CHL1: variants seen among roughly 807,000 people sequenced by gnomAD.
The protein encoded by CHL1 is neural cell adhesion molecule L1-like protein.
CHL1 carries 96 observed loss-of-function variants against 141.9 expected under a neutral mutation model. That is an observed-to-expected ratio of 0.68 (90% CI 0.57 to 0.80). The LOEUF (loss-of-function observed/expected upper bound fraction) is 0.80, where lower values mean the gene tolerates loss of function less well. Among genes scored for constraint, CHL1 ranks in the 30% least tolerant of loss-of-function variants. CHL1 has a pLI of 0.00. For synonymous variants in CHL1, 613 were observed against 502.2 expected (o/e 1.22, Z -2.95); for missense variants, 1,820 against 1,457.2 (o/e 1.25, Z -4.05).
At chr3:396,713 A>G (rs1708702891) in intron 24 of CHL1, among the ~76,000 whole-genome samples, 1 of 152,146 alleles carries the variant, frequency 6.6e-6, no homozygotes, top group South Asian at 2.1e-4. Flanking sequence ...GCTCTTTTTC[A>G]GGAATCCACA....
At chr3:310,302 A>T (rs1433355271) in intron 2 of CHL1, among the ~76,000 whole-genome samples, 1 of 151,956 alleles carries the variant, frequency 6.6e-6, no homozygotes, top group South Asian at 2.1e-4. Context: ...GTGGTGGCGG[A>T]TGCCTATAGT....
At chr3:357,591 T>C (rs1006003684) in intron 11 of CHL1, among the ~76,000 whole-genome samples, 4 of 152,188 alleles carry the variant, frequency 2.6e-5, no homozygotes, top group African/African-American at 9.6e-5. Context: ...TTTTATTGCA[T>C]GATTTCTCAC....
chr3:323,310 C>T (rs528517566), intron 3 of CHL1, among the ~76,000 whole-genome samples: 11 of 152,006 alleles, frequency 7.2e-5, no homozygotes, highest in South Asian at 2.1e-4. Flanking sequence ...GAGAGCTTCC[C>T]GATACTTAAT....
chr3:296,783 G>A (rs991445096), intron 2 of CHL1, among the ~76,000 whole-genome samples: 1 of 152,166 alleles, frequency 6.6e-6, no homozygotes, highest in African/African-American at 2.4e-5. Context: ...CTGTAAGGGG[G>A]AAAATATAGA....
intron 2 of CHL1, among the ~76,000 whole-genome samples, chr3:255,226 G>T (rs913708905): frequency 3.3e-5 from 5 of 152,206 alleles, no homozygotes; most frequent in African/African-American, 1.2e-4. Flanking sequence ...AGTTAGAGTT[G>T]TTATGCAGTT....
intron 2 of CHL1, among the ~76,000 whole-genome samples, chr3:271,411 C>A (rs1385940177): frequency 1.3e-5 from 2 of 152,088 alleles, no homozygotes; most frequent in Non-Finnish European, 2.9e-5. Context: ...TGCACTCCAG[C>A]CTGGGCAATA....
intron 27 of CHL1, among the ~76,000 whole-genome samples, chr3:402,070 G>A (rs1709187685): frequency 1.3e-5 from 2 of 152,170 alleles, no homozygotes; most frequent in South Asian, 4.1e-4. Context: ...CGTTGCACCT[G>A]CAAAGGTAAG....
intron 15 of CHL1, among the ~76,000 whole-genome samples, chr3:367,668 T>C (rs563367365): frequency 2.0e-5 from 3 of 152,314 alleles, no homozygotes; most frequent in South Asian, 2.1e-4. Context: ...ATTTTTGTTT[T>C]TCTTTACATC....
chr3:368,972 T>A (rs1361708051), intron 15 of CHL1, among the ~76,000 whole-genome samples: 1 of 152,254 alleles, frequency 6.6e-6, no homozygotes, highest in Non-Finnish European at 1.5e-5. Flanking sequence ...TTCATACCAG[T>A]ACCATGCTGT....
At chr3:269,541 A>G (rs543465478) in intron 2 of CHL1, among the ~76,000 whole-genome samples, 12 of 152,018 alleles carry the variant, frequency 7.9e-5, no homozygotes, top group African/African-American at 2.2e-4. Flanking sequence ...ATATATATAT[A>G]TGAGATGGAG....
At chr3:237,087 T>A (rs1466382147) in intron 1 of CHL1, among the ~76,000 whole-genome samples, 3 of 152,210 alleles carry the variant, frequency 2.0e-5, no homozygotes, top group Non-Finnish European at 4.4e-5. Flanking sequence ...TGGCTTCTAA[T>A]ATGGTTTGGC....
At position 408,135 on chromosome 3, in the gene CHL1, A is replaced by T. The variant is rs577279249; in HGVS notation, c.*2424A>T. On this transcript the variant is annotated 3_prime_UTR_variant, in exon 28 of 28. Transcript: ENST00000256509. Reference sequence around the variant, plus strand: ...AAAATGGATTTCATGATTTTCCCTCAGAAAATGAGTAACAGAGTCCACGGC... The same window carrying T: ...AAAATGGATTTCATGATTTTCCCTCTGAAAATGAGTAACAGAGTCCACGGC... 1 of 152,298 alleles carries T rather than the reference A, an allele frequency of 6.6e-6. No individual in the cohort carries two copies. Among genetic ancestry groups the T allele is most frequent in the South Asian group, 2.1e-4 (1 of 4,828 alleles). The allele number at this position is 152,298 out of a possible 1,614,324, so 9.4% of individuals were successfully genotyped here.
chr3:379,203 G>A (rs932679507), intron 16 of CHL1, among the ~76,000 whole-genome samples: 1 of 152,050 alleles, frequency 6.6e-6, no homozygotes, highest in Non-Finnish European at 1.5e-5. Context: ...ATAAAAAAAT[G>A]GGTCAACAGG....
intron 13 of CHL1, among the ~76,000 whole-genome samples, chr3:362,606 C>T (rs1704386274): frequency 6.9e-6 from 1 of 145,282 alleles, no homozygotes; most frequent in African/African-American, 2.5e-5. Context: ...ACATGGACCG[C>T]ATCCACAGCT....
intron 2 of CHL1, among the ~76,000 whole-genome samples, chr3:283,771 C>A (rs939325530): frequency 2.0e-5 from 3 of 152,112 alleles, no homozygotes; most frequent in Non-Finnish European, 2.9e-5. Context: ...ATTATTCTCC[C>A]AATTGTAACA....
chr3:298,890 C>T (rs1454737363), intron 2 of CHL1, among the ~76,000 whole-genome samples: 1 of 152,100 alleles, frequency 6.6e-6, no homozygotes, highest in Non-Finnish European at 1.5e-5. Flanking sequence ...TGTGCCTAAA[C>T]CCTTAAATAA....
chr3:371,636 G>T (rs1705648124), intron 15 of CHL1, among the ~76,000 whole-genome samples: 1 of 152,284 alleles, frequency 6.6e-6, no homozygotes. Context: ...GTGTGAATTT[G>T]ATCCTGTCAT....
At chr3:318,512 A>T (rs1048784825) in intron 2 of CHL1, among the ~76,000 whole-genome samples, 1 of 151,898 alleles carries the variant, frequency 6.6e-6, no homozygotes, top group Non-Finnish European at 1.5e-5. Flanking sequence ...CAATGTTTAG[A>T]CATCTATTAA....
Position 382,591 on chromosome 3 carries a change from A to G in CHL1, c.2096A>G (p.Gln699Arg), listed in dbSNP as rs141127022. The G allele has an allele frequency of 1.2e-4, 197 of 1,613,984 alleles. 1 individual carries two copies. In the East Asian group the frequency reaches 4.3e-3, roughly 35 times the overall value. The change falls in exon 18 of 28, where the codon CAG becomes CGG. Residue 699 changes from glutamine to arginine, a missense_variant. Coordinates refer to ENST00000256509, the MANE Select transcript of CHL1 (RefSeq NM_006614.4). Reference protein sequence around the residue: ...ILPLAPFVRYQFRVIAVNEVG... With the variant: ...ILPLAPFVRYRFRVIAVNEVG... Reference sequence around the variant, plus strand: ...CCTTTGGCTCCATTTGTGAGATACCAGTTCAGGGTCATAGCCGTGAACGAA... The same window carrying G: ...CCTTTGGCTCCATTTGTGAGATACCGGTTCAGGGTCATAGCCGTGAACGAA...
Sources: allele counts gnomAD v4.1 joint callset (sites outside exome capture counted in the v4.1 genomes callset), GRCh38; gene constraint gnomAD v4.1.1; transcripts MANE v1.5; gene names NCBI Gene and HGNC (gene_info 2026-07-23, HGNC 2026-07-21).